Variants in NCKAP5 observed in about 807,000 individuals in gnomAD.
NCKAP5 encodes the protein NCK associated protein 5, also known as nck-associated protein 5.
In NCKAP5, 92 loss-of-function variants were observed where a neutral mutation model predicts 167.0. That is an observed-to-expected ratio of 0.55 (90% CI 0.47 to 0.66). NCKAP5 has a LOEUF of 0.66. NCKAP5 is among the 30% of genes least tolerant of loss of function. The probability of loss-of-function intolerance (pLI) is 0.00; values close to 1 mark genes in which losing one functional copy is unlikely to be tolerated. For missense variants in NCKAP5, 2,378 were observed against 2,315.0 expected, an observed-to-expected ratio of 1.03 and a Z score of -0.56; for synonymous variants, 891 against 877.4, an observed-to-expected ratio of 1.02 and a Z score of -0.27.
chr2:132,961,314 A>ATATAC (rs1553492047), intron 8 of NCKAP5, among the ~76,000 whole-genome samples: 1 of 150,580 alleles, frequency 6.6e-6, no homozygotes, highest in Admixed American at 6.6e-5. Context: ...AATGACATCT[A>ATATAC]TATATAAGAA....
chr2:133,630,181 T>C, the NCKAP5 span, among the ~76,000 whole-genome samples: 441 of 152,208 alleles, frequency 2.9e-3, 1 homozygote, highest in Non-Finnish European at 4.4e-3. Flanking sequence ...AATATTTTGC[T>C]AAGTGAAAGG....
intron 4 of NCKAP5, among the ~76,000 whole-genome samples, chr2:133,260,144 T>C (rs1403185398): frequency 6.6e-6 from 1 of 152,224 alleles, no homozygotes. Context: ...TGTGTTTCTT[T>C]CATTTCTTTC....
chr2:132,969,374 T>C (rs567457915), intron 7 of NCKAP5, among the ~76,000 whole-genome samples: 4 of 152,288 alleles, frequency 2.6e-5, no homozygotes, highest in Admixed American at 2.6e-4. Flanking sequence ...AATTTCTCAG[T>C]TAGCATTTCT....
chr2:133,464,216 G>C (rs1399728094), intron 3 of NCKAP5, among the ~76,000 whole-genome samples: 1 of 152,168 alleles, frequency 6.6e-6, no homozygotes, highest in Non-Finnish European at 1.5e-5. Flanking sequence ...AGTATTCTAA[G>C]ATAATCTGTA....
At chr2:132,688,139 T>C (rs1686208803) in intron 19 of NCKAP5, among the ~76,000 whole-genome samples, 2 of 152,186 alleles carry the variant, frequency 1.3e-5, no homozygotes, top group Non-Finnish European at 2.9e-5. Context: ...TAATCAATTT[T>C]AAGCGAGTCC....
intron 4 of NCKAP5, among the ~76,000 whole-genome samples, chr2:133,223,325 A>G (rs558091657): frequency 3.3e-5 from 5 of 152,218 alleles, no homozygotes; most frequent in African/African-American, 1.2e-4. Flanking sequence ...CCCGGTGGCG[A>G]TCTGGTATGC....
At chr2:133,600,668 A>T in the NCKAP5 span, among the ~76,000 whole-genome samples, 1 of 152,248 alleles carries the variant, frequency 6.6e-6, no homozygotes, top group African/African-American at 2.4e-5. Flanking sequence ...AAAATGTCTC[A>T]TCCCTAGGAA....
rs548370552 is a variant in NCKAP5 at position 133,307,460 on chromosome 2, C to T, written c.70-4350G>A. 1.5e-4 allele frequency among the ~76,000 whole-genome samples: 22 copies of T among 151,618 alleles called. No individual in the cohort carries two copies. The South Asian group carries it at 4.2e-3, about 29-fold the overall frequency. On this transcript the variant is annotated intron_variant, in intron 3 of 19. Coordinates refer to ENST00000409261, the MANE Select transcript of NCKAP5 (RefSeq NM_207363.3). ...CTCATCACTTTCCAGGTAGAGTTAA[C>T]GGAAAACAATCCACACATCTATTGG...
At chr2:132,968,422 T>C (rs187938676) in intron 7 of NCKAP5, among the ~76,000 whole-genome samples, 1 of 152,354 alleles carries the variant, frequency 6.6e-6, no homozygotes. Flanking sequence ...ATGGGTCAGA[T>C]GCCCTGAATT....
chr2:133,337,605 A>T (rs1683298762), intron 3 of NCKAP5, among the ~76,000 whole-genome samples: 2 of 152,192 alleles, frequency 1.3e-5, no homozygotes, highest in African/African-American at 4.8e-5. Context: ...AGAAGAAAAG[A>T]TTAGGACATT....
intron 6 of NCKAP5, among the ~76,000 whole-genome samples, chr2:133,042,946 A>T (rs2079263762): frequency 6.6e-6 from 1 of 152,204 alleles, no homozygotes; most frequent in Non-Finnish European, 1.5e-5. Flanking sequence ...GAAGAATTTC[A>T]TCTGATAGTT....
chr2:133,139,923 T>C (rs1299110083), intron 5 of NCKAP5, among the ~76,000 whole-genome samples: 2 of 152,114 alleles, frequency 1.3e-5, no homozygotes, highest in African/African-American at 4.8e-5. Context: ...TTGTTATCAA[T>C]AGTCAACTGC....
the NCKAP5 span, among the ~76,000 whole-genome samples, chr2:133,588,379 C>T: frequency 7.2e-6 from 1 of 139,684 alleles, no homozygotes; most frequent in Admixed American, 7.3e-5. Context: ...CCTTTCTTCC[C>T]TCCTTCCCTT....
At chr2:132,842,381 C>CAT (rs1194330752) in intron 11 of NCKAP5, among the ~76,000 whole-genome samples, 3 of 151,976 alleles carry the variant, frequency 2.0e-5, no homozygotes, top group Non-Finnish European at 4.4e-5. Context: ...AATATACATA[C>CAT]ATATATATAC....
At chr2:133,160,695 G>T (rs1010615591) in intron 5 of NCKAP5, among the ~76,000 whole-genome samples, 5 of 151,978 alleles carry the variant, frequency 3.3e-5, no homozygotes, top group Admixed American at 2.0e-4. Flanking sequence ...GGACAGACTG[G>T]CCCTTTTAGG....
chr2:133,279,325 T>C (rs959781129), intron 4 of NCKAP5, among the ~76,000 whole-genome samples: 3 of 152,240 alleles, frequency 2.0e-5, no homozygotes, highest in African/African-American at 7.2e-5. Flanking sequence ...GTTTGGATTG[T>C]ATACTACAAT....
chr2:133,100,070 GT>G (rs1355461450), intron 6 of NCKAP5, among the ~76,000 whole-genome samples: 6 of 152,168 alleles, frequency 3.9e-5, no homozygotes, highest in Admixed American at 1.3e-4. Flanking sequence ...CTAAAGTGCA[GT>G]TGAAAATGTC....
chr2:133,122,259 T>C (rs1409215496), intron 6 of NCKAP5: 1 of 152,208 alleles, frequency 6.6e-6, no homozygotes, highest in South Asian at 2.1e-4. Flanking sequence ...TTATTGAAAG[T>C]AGAAATCAAT....
intron 4 of NCKAP5, among the ~76,000 whole-genome samples, chr2:133,252,534 G>A (rs531286270): frequency 3.3e-5 from 5 of 152,298 alleles, no homozygotes; most frequent in South Asian, 4.1e-4. Context: ...ATCAGACCAC[G>A]AGAGGTCTTT....
Sources: gnomAD v4.1 joint callset for allele counts (sites outside exome capture counted in the v4.1 genomes callset) on GRCh38, gnomAD v4.1.1 for gene constraint, MANE v1.5 for transcripts, NCBI Gene and HGNC (gene_info 2026-07-23, HGNC 2026-07-21) for gene names.